Variants in VPS35L observed in about 807,000 individuals in gnomAD.
VPS35L encodes VPS35 endosomal protein-sorting factor-like.
Under a neutral mutation model 133.0 loss-of-function variants are expected in VPS35L, and 83 were observed. The observed-to-expected ratio is 0.62, with a 90% CI of 0.52 to 0.75. The LOEUF (loss-of-function observed/expected upper bound fraction) is 0.75. Ranked by LOEUF, VPS35L falls within the 30% of genes least tolerant of loss-of-function variation. The pLI is 0.00. For synonymous variants in VPS35L, 423 were observed against 449.9 expected, an observed-to-expected ratio of 0.94 and a Z score of 0.76; for missense variants, 1,083 against 1,206.8, an observed-to-expected ratio of 0.90 and a Z score of 1.52.
intron 27 of VPS35L, among the ~76,000 whole-genome samples, chr16:19,676,431 C>T (rs547498358): frequency 6.6e-6 from 1 of 152,150 alleles, no homozygotes; most frequent in Non-Finnish European, 1.5e-5. Flanking sequence ...CATCAGTAGT[C>T]GTCAGCCTAG....
At chr16:19,610,299 T>G in intron 11 of VPS35L, 23 bp from the exon 12 acceptor site, 1 of 1,598,588 alleles carries the variant, frequency 6.3e-7, no homozygotes, top group South Asian at 1.1e-5. Context: ...AATATAATGC[T>G]GGCCTGTTTT....
chr16:19,605,409 A>G (rs1383076871), intron 9 of VPS35L, among the ~76,000 whole-genome samples: 1 of 152,206 alleles, frequency 6.6e-6, no homozygotes, highest in African/African-American at 2.4e-5. Context: ...TGTCATTGCC[A>G]TTCCTGTGCC....
At chr16:19,682,967 C>T (rs958606126) in intron 28 of VPS35L, among the ~76,000 whole-genome samples, 4 of 152,230 alleles carry the variant, frequency 2.6e-5, no homozygotes, top group Admixed American at 6.5e-5. Flanking sequence ...CTCTGTCCCC[C>T]AGGCTGGAGT....
At chr16:19,593,191 C>T (rs1357075085) in intron 8 of VPS35L, among the ~76,000 whole-genome samples, 3 of 152,150 alleles carry the variant, frequency 2.0e-5, no homozygotes, top group Non-Finnish European at 2.9e-5. Context: ...GCCAGAACAT[C>T]GTGCCATTAG....
intron 1 of VPS35L, among the ~76,000 whole-genome samples, chr16:19,556,426 G>A (rs1970858900): frequency 6.6e-6 from 1 of 152,194 alleles, no homozygotes; most frequent in Non-Finnish European, 1.5e-5. Context: ...CGTGGCGTGT[G>A]CCTGGTTGGC....
intron 7 of VPS35L, among the ~76,000 whole-genome samples, chr16:19,585,544 A>G (rs11642539): frequency 0.028 from 4,235 of 151,164 alleles, 81 homozygotes; most frequent in Non-Finnish European, 0.042. Context: ...TGGGACTACA[A>G]TTGGCCACAA....
At chr16:19,679,892 A>G (rs372996017) in intron 27 of VPS35L, among the ~76,000 whole-genome samples, 37 of 152,358 alleles carry the variant, frequency 2.4e-4, no homozygotes, top group African/African-American at 8.4e-4. Flanking sequence ...ACTTGAAAGT[A>G]TGACTGCAAT....
intron 26 of VPS35L, among the ~76,000 whole-genome samples, chr16:19,662,845 G>T (rs1265302000): frequency 1.3e-5 from 2 of 152,038 alleles, no homozygotes; most frequent in African/African-American, 4.8e-5. Flanking sequence ...AGCTCCTACA[G>T]GGGCATGGTA....
chr16:19,565,209 T>G (rs112950426), intron 2 of VPS35L, among the ~76,000 whole-genome samples: 4,373 of 146,900 alleles, frequency 0.03, 200 homozygotes, highest in African/African-American at 0.1. Context: ...CACGCCACCA[T>G]GCCTGGCTAA....
rs1371626936 is a variant in VPS35L, at chr16:19,575,131, A to T, written c.433+9A>T. ...TATGGGATCTGAAAAAGGTAAGATG[A>T]GTTTGTTGTTGTTTTGATGGGAAAA... is the stretch of plus-strand genomic sequence containing the variant. On this transcript the variant is annotated intron_variant, in intron 5 of 30. Transcript: ENST00000417362. 1 of 1,606,176 alleles carries T rather than the reference A, an allele frequency of 6.2e-7. No homozygotes were observed. Among genetic ancestry groups the T allele is most frequent in the Non-Finnish European group, 8.5e-7 (1 of 1,175,252 alleles).
At chr16:19,586,921 T>C (rs914963880) in intron 7 of VPS35L, among the ~76,000 whole-genome samples, 10 of 152,194 alleles carry the variant, frequency 6.6e-5, no homozygotes, top group African/African-American at 1.2e-4. Flanking sequence ...CATTCTTGCA[T>C]TGCTATAAAG....
intron 28 of VPS35L, 45 bp from the exon 29 acceptor site, chr16:19,691,308 G>A: frequency 1.3e-6 from 2 of 1,520,128 alleles, no homozygotes; most frequent in African/African-American, 2.7e-5. Context: ...GGCCAGCATG[G>A]CCGCGGGGCT....
intron 29 of VPS35L, among the ~76,000 whole-genome samples, chr16:19,698,198 A>G (rs1975982864): frequency 6.6e-6 from 1 of 152,112 alleles, no homozygotes; most frequent in South Asian, 2.1e-4. Context: ...TGCAGATTGC[A>G]TTTCCGTGTG....
chr16:19,600,133 C>CTTCCA (rs917533756), intron 8 of VPS35L, among the ~76,000 whole-genome samples: 71 of 152,262 alleles, frequency 4.7e-4, no homozygotes, highest in African/African-American at 1.7e-3. Flanking sequence ...GCTTGGCTGG[C>CTTCCA]TTCCTTCACT....
intron 27 of VPS35L, among the ~76,000 whole-genome samples, chr16:19,679,715 G>T (rs889348103): frequency 6.6e-6 from 1 of 152,060 alleles, no homozygotes; most frequent in African/African-American, 2.4e-5. Context: ...ATGTTGGCCA[G>T]GCTGGTCTCA....
At chr16:19,665,585 G>C (rs549322160) in intron 26 of VPS35L, among the ~76,000 whole-genome samples, 1 of 152,106 alleles carries the variant, frequency 6.6e-6, no homozygotes, top group Non-Finnish European at 1.5e-5. Flanking sequence ...GTCTGTTGAC[G>C]GACACTTAGA....
chr16:19,640,065 G>A lies in VPS35L; in HGVS notation c.1749G>A (p.Val583=), dbSNP rs1331952279. ...LDMFQKESVR[V]EVCKCIMDAF... ...TGTTCCAAAAAGAGAGTGTGCGGGT[G>A]GAGGTTTGCAAATGCATCATGGACG... The change falls in exon 21 of 31, where the codon GTG becomes GTA. Residue 583 remains valine, a synonymous_variant. Coordinates refer to ENST00000417362, the MANE Select transcript of VPS35L (RefSeq NM_020314.7). 1.2e-6 allele frequency: 2 copies of A among 1,614,090 alleles called. No homozygotes were observed. Among genetic ancestry groups the A allele is most frequent in the Non-Finnish European group, 1.7e-6 (2 of 1,180,046 alleles).
At chr16:19,645,775 T>A (rs1042238664) in intron 23 of VPS35L, among the ~76,000 whole-genome samples, 5 of 152,118 alleles carry the variant, frequency 3.3e-5, no homozygotes, top group African/African-American at 1.2e-4. Flanking sequence ...CTGGGTGACC[T>A]GAGTCAGGAG....
chr16:19,691,488 G>A lies in VPS35L; in HGVS notation c.2646+17G>A, dbSNP rs201844107. 2,570 of 1,586,376 alleles carry A rather than the reference G, an allele frequency of 1.6e-3. 59 individuals are homozygous for A. In the South Asian group the frequency reaches 0.027, roughly 17 times the overall value. On this transcript the variant is annotated intron_variant, in intron 29 of 30. Coordinates refer to ENST00000417362, the MANE Select transcript of VPS35L (RefSeq NM_020314.7). The stretch of plus-strand genomic sequence containing the variant: ...AAGGACGAGGTGGGTGCCCTCTGCT[G>A]TCCTCCACCCGCCCCTTGCTCTGAA...
Sources: allele counts gnomAD v4.1 joint callset (sites outside exome capture counted in the v4.1 genomes callset), GRCh38; gene constraint gnomAD v4.1.1; transcripts MANE v1.5; gene names NCBI Gene and HGNC (gene_info 2026-07-23, HGNC 2026-07-21).